ABCC5: variants seen among roughly 807,000 people sequenced by gnomAD.
ABCC5 encodes ATP binding cassette subfamily C member 5.
ABCC5 carries 61 observed loss-of-function variants against 160.9 expected under a neutral mutation model. That is an observed-to-expected ratio of 0.38 (90% CI 0.31 to 0.47). ABCC5 has a LOEUF of 0.47. ABCC5 is among the 20% of genes least tolerant of loss of function. The pLI, the probability that ABCC5 is intolerant of heterozygous loss-of-function variation, is 0.99. For missense variants in ABCC5, 1,308 were observed against 1,813.3 expected, an observed-to-expected ratio of 0.72 and a Z score of 5.06; for synonymous variants, 666 against 700.6, an observed-to-expected ratio of 0.95 and a Z score of 0.78.
chr3:183,976,958 AG>A (rs1187017466), intron 10 of ABCC5, among the ~76,000 whole-genome samples: 2 of 152,202 alleles, frequency 1.3e-5, no homozygotes, highest in Non-Finnish European at 2.9e-5. Flanking sequence ...AACACAGCCA[AG>A]GTATGATCAA....
chr3:183,926,406 C>T (rs111678312), intron 28 of ABCC5, among the ~76,000 whole-genome samples: 6,867 of 150,348 alleles, frequency 0.046, 377 homozygotes, highest in East Asian at 0.17. Context: ...AAAAATTAGC[C>T]GGGCGTGGTG....
rs754377688 is a variant in ABCC5, at chr3:183,982,952, T to C, written c.647A>G (p.Gln216Arg). Residue 216 changes from glutamine to arginine, a missense_variant, in exon 6 of 30, where the codon CAG (glutamine) becomes CGG (arginine). Around this residue, in one of 3 missense-constraint regions of ABCC5, gnomAD observed 1,142 missense variants for 1,527.1 expected, o/e 0.75. Transcript: ENST00000334444. This position sits in a 1 kb window ranked among gnomAD's most constrained non-coding sequence, Gnocchi z 5.2. ...EYTQATESNL[Q>R]YSLLLVLGLL... ...GCCCAGCACTAACAACAAGCTGTACTGCAGGTTAGACTCTGTTGCCTGGGT... is the reference window on the plus strand; with the variant it reads ...GCCCAGCACTAACAACAAGCTGTACCGCAGGTTAGACTCTGTTGCCTGGGT... 1.8e-5 allele frequency: 29 copies of C among 1,614,138 alleles called. No individual in the cohort carries two copies. Among genetic ancestry groups the C allele is most frequent in the Non-Finnish European group, 2.5e-5 (29 of 1,180,056 alleles).
intron 2 of ABCC5, among the ~76,000 whole-genome samples, chr3:184,000,319 G>A (rs1269286894): frequency 6.6e-6 from 1 of 151,894 alleles, no homozygotes; most frequent in Non-Finnish European, 1.5e-5. Flanking sequence ...CTCCAGCCTG[G>A]GTGACAGAGT....
intron 17 of ABCC5, among the ~76,000 whole-genome samples, chr3:183,956,667 T>A (rs1238518159): frequency 1.5e-5 from 2 of 130,142 alleles, no homozygotes; most frequent in Non-Finnish European, 3.2e-5. Context: ...CAGATCCGTG[T>A]GTATATCATA....
chr3:184,013,789 C>G (rs994738048), intron 2 of ABCC5, among the ~76,000 whole-genome samples: 1 of 152,166 alleles, frequency 6.6e-6, no homozygotes, highest in Admixed American at 6.5e-5. Context: ...CAGCCAGCCT[C>G]TCTTCCACTT....
intron 20 of ABCC5, among the ~76,000 whole-genome samples, chr3:183,950,944 A>G (rs1274904505): frequency 6.6e-6 from 1 of 152,260 alleles, no homozygotes; most frequent in Non-Finnish European, 1.5e-5. Flanking sequence ...CTTTCCAGAT[A>G]GCAGCTTTCT....
Position 183,963,605 on chromosome 3 carries a change from G to A in ABCC5, c.2032-17C>T. On this transcript the variant is annotated splice_polypyrimidine_tract_variant and intron_variant, in intron 14 of 29. Coordinates refer to ENST00000334444, the MANE Select transcript of ABCC5 (RefSeq NM_005688.4). The surrounding 1 kb of genome is among the most constrained non-coding windows in gnomAD (Gnocchi z 4.6). ...CTCTCCAATCTACAAGAGCCCAGAAGTGTGGTGAAGCCTCCAGCGCAAGTC... is the reference window on the plus strand; with the variant it reads ...CTCTCCAATCTACAAGAGCCCAGAAATGTGGTGAAGCCTCCAGCGCAAGTC... 1 of 1,612,644 alleles carries A rather than the reference G, an allele frequency of 6.2e-7. No homozygotes were observed. Among genetic ancestry groups the A allele is most frequent in the South Asian group, 1.1e-5 (1 of 91,024 alleles).
intron 2 of ABCC5, among the ~76,000 whole-genome samples, chr3:184,005,417 G>A (rs1721099071): frequency 6.6e-6 from 1 of 152,042 alleles, no homozygotes; most frequent in Non-Finnish European, 1.5e-5. Context: ...TATCTAAATA[G>A]GCTAACTCCT....
At chr3:183,975,842 A>C (rs893365861) in intron 10 of ABCC5, among the ~76,000 whole-genome samples, 6 of 152,116 alleles carry the variant, frequency 3.9e-5, no homozygotes, top group Admixed American at 6.5e-5. Context: ...TGTGAAAGCC[A>C]CCTGCTAATC....
intron 20 of ABCC5, 77 bp from the exon 21 acceptor site, chr3:183,950,202 G>A: frequency 1.4e-6 from 2 of 1,465,482 alleles, no homozygotes; most frequent in Non-Finnish European, 9.1e-7. Context: ...ACAAAAAGGG[G>A]TTCCACAAAC....
At chr3:183,997,499 C>T (rs956541401) in intron 2 of ABCC5, among the ~76,000 whole-genome samples, 4 of 152,104 alleles carry the variant, frequency 2.6e-5, no homozygotes, top group South Asian at 2.1e-4. Flanking sequence ...CTTTCAAGGT[C>T]GGGGAACTTA....
intron 17 of ABCC5, among the ~76,000 whole-genome samples, chr3:183,954,633 G>C (rs1041586524): frequency 2.0e-5 from 3 of 152,174 alleles, no homozygotes; most frequent in Admixed American, 6.5e-5. Context: ...GGAGAGAAAA[G>C]GTTCAAATAT....
At chr3:183,993,740 C>T (rs1444411289) in intron 2 of ABCC5, among the ~76,000 whole-genome samples, 1 of 152,096 alleles carries the variant, frequency 6.6e-6, no homozygotes, top group Non-Finnish European at 1.5e-5. Flanking sequence ...ATATATATAA[C>T]ATAAAATTTG....
chr3:183,929,775 G>A (rs1024393783), intron 26 of ABCC5, among the ~76,000 whole-genome samples: 6 of 152,046 alleles, frequency 3.9e-5, no homozygotes, highest in Non-Finnish European at 5.9e-5. Context: ...CGCATGCCAC[G>A]TAATTTTTGT....
Position 183,988,877 on chromosome 3 carries a change from T to A in ABCC5, c.288-150A>T. Reference sequence around the variant, plus strand: ...CTTAGCCTGAATGTTCTAAAACGGCTTTGATGGGCCGGGCGCGGTGGCTCA... The same window carrying A: ...CTTAGCCTGAATGTTCTAAAACGGCATTGATGGGCCGGGCGCGGTGGCTCA... On this transcript the variant is annotated intron_variant, in intron 3 of 29. Transcript: ENST00000334444. The surrounding 1 kb of genome is among the most constrained non-coding windows in gnomAD (Gnocchi z 4.4). 1 of 1,026,994 alleles carries A rather than the reference T, an allele frequency of 9.7e-7. No homozygotes were observed. The highest frequency in any genetic ancestry group is 1.6e-5 in the African/African-American group (1 of 61,770). 63.6% of individuals were successfully genotyped at this position (1,026,994 alleles called of 1,614,324 possible). A position where few individuals can be genotyped will look rare whatever the true frequency, so the allele number is the denominator to read the frequency against.
At chr3:183,977,786 TC>T (rs1285351392) in intron 9 of ABCC5, among the ~76,000 whole-genome samples, 162 bp from the exon 10 acceptor site, 1 of 152,016 alleles carries the variant, frequency 6.6e-6, no homozygotes, top group African/African-American at 2.4e-5. Flanking sequence ...GGAGTCTCGC[TC>T]TGTCGCCCAG....
chr3:183,928,613 G>T, intron 27 of ABCC5, 134 bp downstream of exon 27: 1 of 721,574 alleles, frequency 1.4e-6, no homozygotes, highest in Non-Finnish European at 2.4e-6. Context: ...TGAAAGACTT[G>T]GAGAGCCCTG....
chr3:183,971,708 T>A lies in ABCC5; in HGVS notation c.1616A>T (p.Gln539Leu), dbSNP rs1670324429. ...KVRQLQRTEH[Q>L]AVLAEQKGHL... ...GCCTTTCTGCTCTGCCAGCACCGCC[T>A]GATGCTCAGTGCGCTGCAGCTGCCT... Residue 539 changes from glutamine (Q) to leucine (L), a missense_variant, in exon 11 of 30, where the codon CAG (glutamine) becomes CTG (leucine). Physicochemically the swap from Gln to Leu is moderately radical, Grantham distance 113. This residue lies in a region of ABCC5 where 1,142 missense variants were observed against 1,527.1 expected (regional missense o/e 0.75). Transcript: ENST00000334444. The A allele has an allele frequency of 6.2e-7, 1 of 1,614,086 alleles. No individual in the cohort carries two copies. The highest frequency in any genetic ancestry group is 8.5e-7 in the Non-Finnish European group (1 of 1,180,042).
intron 29 of ABCC5, among the ~76,000 whole-genome samples, chr3:183,924,897 T>C (rs551831207): frequency 1.3e-5 from 2 of 152,210 alleles, no homozygotes; most frequent in Admixed American, 6.5e-5. Flanking sequence ...AGCAGGTGGA[T>C]ATGGGAGAGA....
Sources: allele counts gnomAD v4.1 joint callset (sites outside exome capture counted in the v4.1 genomes callset), GRCh38; gene constraint gnomAD v4.1.1; regional missense constraint gnomAD v4.1.1; non-coding constraint Gnocchi (gnomAD v3.1); transcripts MANE v1.5; gene names NCBI Gene and HGNC (gene_info 2026-07-23, HGNC 2026-07-21).